The following SLC4A4 variants were observed in gnomAD, a reference collection of about 807,000 sequenced individuals.
SLC4A4 encodes solute carrier family 4 member 4.
In SLC4A4, 27 loss-of-function variants were observed where a neutral mutation model predicts 111.5. The ratio of observed to expected loss-of-function variants is 0.24; its 90% CI spans 0.18 to 0.33. SLC4A4 has a LOEUF of 0.33. Among genes scored for constraint, SLC4A4 ranks in the 10% least tolerant of loss-of-function variants. The pLI, the probability that SLC4A4 is intolerant of heterozygous loss-of-function variation, is 1.00. For synonymous variants in SLC4A4, 443 were observed against 463.4 expected (o/e 0.96, Z 0.57); for missense variants, 909 against 1,315.5 (o/e 0.69, Z 4.78).
intron 1 of SLC4A4, among the ~76,000 whole-genome samples, chr4:71,221,045 G>T (rs1267202667): frequency 6.6e-6 from 1 of 152,166 alleles, no homozygotes; most frequent in Admixed American, 6.5e-5. Context: ...CAAAATACAT[G>T]ATCTTGTTCT....
intron 7 of SLC4A4, among the ~76,000 whole-genome samples, chr4:71,416,827 A>G (rs573894122): frequency 3.9e-5 from 6 of 152,208 alleles, no homozygotes; most frequent in Non-Finnish European, 8.8e-5. Flanking sequence ...GAAGGAATTC[A>G]GTGTACAGCT....
chr4:71,496,900 GA>G (rs1265646429), intron 15 of SLC4A4, among the ~76,000 whole-genome samples: 2 of 151,862 alleles, frequency 1.3e-5, no homozygotes, highest in East Asian at 3.9e-4. Flanking sequence ...GAGTCAAGAA[GA>G]AAAAAATCTA....
At chr4:71,455,918 C>T (rs1726223375) in intron 12 of SLC4A4, among the ~76,000 whole-genome samples, 1 of 152,110 alleles carries the variant, frequency 6.6e-6, no homozygotes, top group Admixed American at 6.6e-5. Context: ...ATGTAACATA[C>T]ATAGTTAATT....
chr4:71,137,298 C>T (rs1305638092), intron 2 of SLC4A4, among the ~76,000 whole-genome samples: 1 of 152,128 alleles, frequency 6.6e-6, no homozygotes, highest in African/African-American at 2.4e-5. Context: ...GTCCCCACAC[C>T]AAAGTTCCTC....
In SLC4A4 at chr4:71,253,387, C is replaced by T. The variant is rs1053866066; in HGVS notation, c.74-1833C>T. 3.3e-4 allele frequency among the ~76,000 whole-genome samples: 50 copies of T among 152,238 alleles called. 1 individual carries two copies. The highest frequency in any genetic ancestry group is 2.9e-3 in the Admixed American group (45 of 15,298). ...TTTAAAAAACCTTTCTATATAACAT[C>T]ATATGGCAATATAGCTTAATTACCA... On this transcript the variant is annotated intron_variant, in intron 2 of 25. Coordinates refer to ENST00000264485, the MANE Select transcript of SLC4A4 (RefSeq NM_001098484.3).
At chr4:71,321,009 T>C (rs1158816772) in intron 3 of SLC4A4, among the ~76,000 whole-genome samples, 1 of 152,024 alleles carries the variant, frequency 6.6e-6, no homozygotes, top group Non-Finnish European at 1.5e-5. Flanking sequence ...TTAAGAAATG[T>C]TGTAGAGATA....
chr4:71,359,783 G>A (rs1730598304), intron 6 of SLC4A4, among the ~76,000 whole-genome samples: 1 of 152,126 alleles, frequency 6.6e-6, no homozygotes, highest in African/African-American at 2.4e-5. Flanking sequence ...GTCTGTTGTA[G>A]TTGGAGCTAG....
chr4:71,487,191 C>T (rs1729488832), intron 15 of SLC4A4, among the ~76,000 whole-genome samples, 173 bp downstream of exon 15: 1 of 150,722 alleles, frequency 6.6e-6, no homozygotes, highest in Non-Finnish European at 1.5e-5. Flanking sequence ...TTCCTTTGCT[C>T]TAGTCAGCAC....
intron 2 of SLC4A4, among the ~76,000 whole-genome samples, chr4:71,244,320 C>T (rs1055991252): frequency 6.6e-6 from 1 of 152,156 alleles, no homozygotes; most frequent in African/African-American, 2.4e-5. Context: ...CAAGGCAAAT[C>T]ATTGTCATGT....
chr4:71,217,458 G>T (rs962159298), intron 1 of SLC4A4, among the ~76,000 whole-genome samples: 2 of 152,172 alleles, frequency 1.3e-5, no homozygotes, highest in Admixed American at 6.5e-5. Context: ...AGCTATTTGG[G>T]AGGCTGAGAC....
At position 71,121,769 on chromosome 4, in the gene SLC4A4, G is replaced by A. The variant is rs537482289; in HGVS notation, c.-2+28977G>A. Among the ~76,000 whole-genome samples the A allele has an allele frequency of 2.7e-4, 41 of 152,320 alleles. No individual in the cohort carries two copies. In the South Asian group the frequency reaches 8.3e-3, roughly 31 times the overall value. ...AGGCTGCCCCAGCAGCACTACTTGGGTCACCTTCCACGTTGTGGAAGCTTT... is the reference window on the plus strand; with the variant it reads ...AGGCTGCCCCAGCAGCACTACTTGGATCACCTTCCACGTTGTGGAAGCTTT... On this transcript the variant is annotated intron_variant, in intron 2 of 26. Coordinates refer to the SLC4A4 transcript ENST00000649996.
intron 20 of SLC4A4, among the ~76,000 whole-genome samples, chr4:71,553,361 G>A (rs963428803): frequency 6.6e-6 from 1 of 151,820 alleles, no homozygotes; most frequent in African/African-American, 2.4e-5. Flanking sequence ...AGGCAAAAGT[G>A]TCCTTCACTT....
intron 2 of SLC4A4, among the ~76,000 whole-genome samples, chr4:71,139,807 G>A (rs1156856103): frequency 6.6e-6 from 1 of 151,804 alleles, no homozygotes; most frequent in Non-Finnish European, 1.5e-5. Context: ...GGGTTTTTAG[G>A]ATATCAACCA....
At chr4:71,149,720 T>C (rs1290103951) in intron 2 of SLC4A4, among the ~76,000 whole-genome samples, 2 of 152,230 alleles carry the variant, frequency 1.3e-5, no homozygotes, top group African/African-American at 4.8e-5. Context: ...GAGGCTTTAC[T>C]TGAAACCAGT....
intron 6 of SLC4A4, among the ~76,000 whole-genome samples, chr4:71,367,770 C>A (rs530884298): frequency 1.8e-4 from 27 of 152,314 alleles, no homozygotes; most frequent in Middle Eastern, 6.8e-3. Flanking sequence ...GCTCACAAGT[C>A]CTGGCTTTAT....
chr4:71,346,548 G>T (rs767101162), intron 4 of SLC4A4, among the ~76,000 whole-genome samples: 2 of 150,608 alleles, frequency 1.3e-5, no homozygotes, highest in Non-Finnish European at 3.0e-5. Flanking sequence ...AAACGTAATT[G>T]CATGGTTCTA....
intron 13 of SLC4A4, among the ~76,000 whole-genome samples, 199 bp from the exon 14 acceptor site, chr4:71,472,499 CT>C (rs1727974398): frequency 6.6e-6 from 1 of 151,904 alleles, no homozygotes; most frequent in South Asian, 2.1e-4. Context: ...TTTCCTCAAA[CT>C]TTTATTGCTA....
Position 71,299,615 on chromosome 4 carries a change from C to A in SLC4A4, c.254-39755C>A, listed in dbSNP as rs554307154. Among the ~76,000 whole-genome samples, 8 of 152,306 alleles carry A rather than the reference C, an allele frequency of 5.3e-5. No homozygotes were observed. In the South Asian group the frequency reaches 1.7e-3, roughly 32 times the overall value. On this transcript the variant is annotated intron_variant, in intron 3 of 25. Transcript: ENST00000264485. ...CAATATTCTCTGAGATGAGTCAAGC[C>A]CCAACCCTCTCTGGGGTTTCCAGAA...
chr4:71,366,664 A>C (rs1385897282), intron 6 of SLC4A4, among the ~76,000 whole-genome samples: 3 of 152,200 alleles, frequency 2.0e-5, no homozygotes, highest in Non-Finnish European at 2.9e-5. Flanking sequence ...GCTCAAGTGT[A>C]AAAGAGGTAT....
Sources: gnomAD v4.1 joint callset for allele counts (sites outside exome capture counted in the v4.1 genomes callset) on GRCh38, gnomAD v4.1.1 for gene constraint, MANE v1.5 for transcripts, NCBI Gene and HGNC (gene_info 2026-07-23, HGNC 2026-07-21) for gene names.